Variants in AASDH observed in about 807,000 individuals in gnomAD.
The protein encoded by AASDH is beta-alanine-activating enzyme.
In AASDH, 81 loss-of-function variants were observed where a neutral mutation model predicts 102.3. That is an observed-to-expected ratio of 0.79 (90% CI 0.66 to 0.95). The LOEUF (loss-of-function observed/expected upper bound fraction) is 0.95. AASDH is among the 40% of genes least tolerant of loss of function. AASDH has a pLI of 0.00. For synonymous variants in AASDH, 398 were observed against 454.0 expected, an observed-to-expected ratio of 0.88 and a Z score of 1.57; for missense variants, 1,203 against 1,266.2, an observed-to-expected ratio of 0.95 and a Z score of 0.76.
intron 1 of AASDH, among the ~76,000 whole-genome samples, chr4:56,385,255 T>C (rs1370988352): frequency 6.6e-6 from 1 of 152,188 alleles, no homozygotes; most frequent in Non-Finnish European, 1.5e-5. Flanking sequence ...ACAGTGTTTA[T>C]TACTATACTA....
At chr4:56,384,586 A>G (rs1753336722) in intron 1 of AASDH, among the ~76,000 whole-genome samples, 2 of 152,210 alleles carry the variant, frequency 1.3e-5, no homozygotes, top group African/African-American at 4.8e-5. Context: ...AGTGGTATAC[A>G]CAGATGAAAA....
At chr4:56,338,905 T>C in intron 14 of AASDH, 114 bp from the exon 15 acceptor site, 1 of 1,060,778 alleles carries the variant, frequency 9.4e-7, no homozygotes, top group Non-Finnish European at 1.3e-6. Context: ...ATTTGAATGG[T>C]AACTATACAC....
chr4:56,356,058 C>T (rs1482788976), intron 5 of AASDH: 3 of 509,640 alleles, frequency 5.9e-6, no homozygotes, highest in East Asian at 3.0e-5. Flanking sequence ...TTTACCTTTC[C>T]TTTCTTACTC....
intron 5 of AASDH, among the ~76,000 whole-genome samples, chr4:56,366,387 T>C (rs1306177259): frequency 2.0e-5 from 3 of 152,214 alleles, no homozygotes; most frequent in African/African-American, 7.2e-5. Context: ...AGCATCATCC[T>C]GATAGCAAAG....
chr4:56,354,039 C>T lies in AASDH; in HGVS notation c.1383G>A (p.Gln461=). The T allele has an allele frequency of 6.2e-7, 1 of 1,607,388 alleles. No individual in the cohort carries two copies. ...ATATTCAATATTTAAATAGTTCTAC[C>T]TGTTGCACAAGTTCAATGTTAAGAC... ...GKRLNIELVQ[Q]VAEELQQVES... is the part of the protein sequence containing the mutation. Residue 461 remains glutamine, a splice_region_variant and synonymous_variant, in exon 8 of 15, where the codon CAG becomes CAA. Coordinates refer to ENST00000205214, the MANE Select transcript of AASDH (RefSeq NM_181806.4).
At chr4:56,358,399 G>A (rs1397085301) in intron 5 of AASDH, among the ~76,000 whole-genome samples, 1 of 149,928 alleles carries the variant, frequency 6.7e-6, no homozygotes, top group Non-Finnish European at 1.5e-5. Flanking sequence ...AGTGGCAAAG[G>A]CAAACTTGCT....
intron 5 of AASDH, among the ~76,000 whole-genome samples, chr4:56,357,689 T>C (rs1045030434): frequency 1.3e-5 from 2 of 150,802 alleles, no homozygotes; most frequent in Non-Finnish European, 3.0e-5. Context: ...TTTATATAAA[T>C]GGAATCATAA....
intron 1 of AASDH, among the ~76,000 whole-genome samples, chr4:56,386,862 G>T (rs559656947): frequency 7.0e-6 from 1 of 143,540 alleles, no homozygotes; most frequent in South Asian, 2.3e-4. Flanking sequence ...GATTTTACAT[G>T]TAAAAGGAAT....
chr4:56,382,732 T>A (rs1364752125), intron 2 of AASDH, 135 bp from the exon 3 acceptor site: 3 of 996,086 alleles, frequency 3.0e-6, no homozygotes, highest in Non-Finnish European at 4.3e-6. Context: ...TTATTGCTGA[T>A]CAGAAATTTC....
At chr4:56,365,521 C>T (rs1750887810) in intron 5 of AASDH, among the ~76,000 whole-genome samples, 1 of 152,004 alleles carries the variant, frequency 6.6e-6, no homozygotes. Flanking sequence ...CAAACTGTCT[C>T]TCAGACCACA....
intron 14 of AASDH, among the ~76,000 whole-genome samples, chr4:56,341,212 T>C (rs933834085): frequency 6.6e-6 from 1 of 152,136 alleles, no homozygotes; most frequent in Non-Finnish European, 1.5e-5. Flanking sequence ...CCATCTCCCA[T>C]GTTTACTGCA....
At chr4:56,355,828 G>A (rs544670252) in intron 5 of AASDH, among the ~76,000 whole-genome samples, 10 of 151,880 alleles carry the variant, frequency 6.6e-5, no homozygotes, top group Non-Finnish European at 1.3e-4. Flanking sequence ...TGTTGCCTAG[G>A]CTGGTCTTGG....
chr4:56,346,994 T>C (rs988780441), intron 11 of AASDH, among the ~76,000 whole-genome samples: 2 of 150,692 alleles, frequency 1.3e-5, no homozygotes, highest in African/African-American at 4.9e-5. Flanking sequence ...TAAGCCATGA[T>C]GACGCCACTG....
rs564312644 is a variant in AASDH, at chr4:56,344,034, G to A, written c.2653-350C>T. On this transcript the variant is annotated intron_variant, in intron 12 of 14. Transcript: ENST00000205214. The stretch of plus-strand genomic sequence containing the variant: ...ATTTTGCTCACTGATTTTGTAAAAT[G>A]ATTTAAATATAATTTTAATCCATAA... Among the ~76,000 whole-genome samples, 16 of 152,136 alleles carry A rather than the reference G, an allele frequency of 1.1e-4. No individual in the cohort carries two copies. The East Asian group carries it at 2.9e-3, about 28-fold the overall frequency.
At chr4:56,344,648 T>C (rs1425468480) in intron 12 of AASDH, among the ~76,000 whole-genome samples, 6 of 152,194 alleles carry the variant, frequency 3.9e-5, no homozygotes, top group African/African-American at 9.6e-5. Context: ...AAACATCTTA[T>C]TGATATCTTC....
At chr4:56,374,570 A>G (rs1350917646) in intron 4 of AASDH, among the ~76,000 whole-genome samples, 1 of 152,032 alleles carries the variant, frequency 6.6e-6, no homozygotes, top group Admixed American at 6.6e-5. Context: ...TGTTATCACA[A>G]ACTTTCTTAT....
chr4:56,370,988 T>C (rs1751632113), intron 5 of AASDH, among the ~76,000 whole-genome samples: 1 of 152,228 alleles, frequency 6.6e-6, no homozygotes, highest in East Asian at 1.9e-4. Flanking sequence ...CAGATACACA[T>C]TTAAATAACA....
chr4:56,371,419 TAAAC>T (rs774329770), intron 5 of AASDH, 28 bp downstream of exon 5: 12 of 1,554,140 alleles, frequency 7.7e-6, no homozygotes, highest in African/African-American at 5.6e-5. Flanking sequence ...TGAAAAATGA[TAAAC>T]AAAACGTTCA....
chr4:56,378,876 T>C (rs573070925), intron 3 of AASDH, among the ~76,000 whole-genome samples: 1 of 151,376 alleles, frequency 6.6e-6, no homozygotes, highest in South Asian at 2.1e-4. Flanking sequence ...GTATAATCTT[T>C]ATTTTTTTAT....
Sources: allele counts gnomAD v4.1 joint callset (sites outside exome capture counted in the v4.1 genomes callset), GRCh38; gene constraint gnomAD v4.1.1; transcripts MANE v1.5; gene names NCBI Gene and HGNC (gene_info 2026-07-23, HGNC 2026-07-21).